CDH10: variants seen among roughly 807,000 people sequenced by gnomAD.
The protein encoded by CDH10 is cadherin 10.
CDH10 carries 30 observed loss-of-function variants against 73.1 expected under a neutral mutation model. The ratio of observed to expected loss-of-function variants is 0.41; its 90% confidence interval spans 0.31 to 0.56. The LOEUF (loss-of-function observed/expected upper bound fraction) is 0.56, where lower values mean the gene tolerates loss of function less well. Among genes scored for constraint, CDH10 ranks in the 20% least tolerant of loss-of-function variants. The pLI, the probability that CDH10 is intolerant of heterozygous loss-of-function variation, is 0.27. For synonymous variants in CDH10, 345 were observed against 348.2 expected (o/e 0.99, Z 0.10); for missense variants, 815 against 973.7 (o/e 0.84, Z 2.17).
rs143196281 is a variant in CDH10, at chr5:24,554,119, G to GAGAGAGAGA, written c.232-16446_232-16445insTCTCTCTCT. On this transcript the variant is annotated intron_variant, in intron 2 of 11. Coordinates refer to ENST00000264463, the MANE Select transcript of CDH10 (RefSeq NM_006727.5). Reference sequence around the variant, plus strand: ...AGAGAAGGGGAGGTGGGCGGGGGGGGGAGAGAGAGAGACATTCAATCAGCC... The same window carrying GAGAGAGAGA: ...AGAGAAGGGGAGGTGGGCGGGGGGGGAGAGAGAGAGAGAGAGAGAGACATTCAATCAGCC... 7.5e-5 allele frequency: 3 copies of GAGAGAGAGA among 39,776 alleles called. 1 individual carries two copies. The highest frequency in any genetic ancestry group is 1.6e-4 in the African/African-American group (2 of 12,224). The allele number at this position is 39,776 out of a possible 1,614,324, so 2.5% of individuals were successfully genotyped here.
chr5:24,503,870 T>A (rs1742588070), intron 8 of CDH10, among the ~76,000 whole-genome samples: 1 of 152,166 alleles, frequency 6.6e-6, no homozygotes, highest in Non-Finnish European at 1.5e-5. Context: ...ATTCCTGGGA[T>A]TCCTCATCTG....
chr5:24,623,571 G>A (rs1293857506), intron 1 of CDH10, among the ~76,000 whole-genome samples: 1 of 152,128 alleles, frequency 6.6e-6, no homozygotes, highest in Non-Finnish European at 1.5e-5. Flanking sequence ...TAGCAATAGA[G>A]AAATAAGAAC....
intron 4 of CDH10, 147 bp from the exon 5 acceptor site, chr5:24,535,426 T>C (rs1388392188): frequency 3.7e-6 from 3 of 813,308 alleles, no homozygotes; most frequent in East Asian, 5.4e-5. Context: ...ATTATAAAAG[T>C]GATTCTGCGG....
chr5:24,569,766 C>CTTTT (rs112375331), intron 2 of CDH10, among the ~76,000 whole-genome samples: 2 of 142,372 alleles, frequency 1.4e-5, no homozygotes, highest in Non-Finnish European at 3.1e-5. Context: ...CAAATGTGTG[C>CTTTT]TTTTTTTTTT....
At chr5:24,558,336 AT>A (rs1235230886) in intron 2 of CDH10, among the ~76,000 whole-genome samples, 1 of 151,734 alleles carries the variant, frequency 6.6e-6, no homozygotes, top group Non-Finnish European at 1.5e-5. Context: ...AGGATTCTGA[AT>A]TTTCCATGAC....
chr5:24,558,124 C>T (rs964564649), intron 2 of CDH10, among the ~76,000 whole-genome samples: 6 of 151,682 alleles, frequency 4.0e-5, no homozygotes, highest in African/African-American at 1.4e-4. Flanking sequence ...ACAAGGTTAA[C>T]CACAGATCAC....
At position 24,537,620 on chromosome 5, in the gene CDH10, C is replaced by T. The variant is rs2111896843; in HGVS notation, c.286G>A (p.Asp96Asn). ...DGSLKYILSG[D>N]GAGTLFIIDE... ...ATAATAAAAAGAGTACCAGCTCCAT[C>T]TCCAGATAAGATATATTTGAGTGAT... is the stretch of plus-strand genomic sequence containing the variant. Residue 96 changes from aspartate (D) to asparagine (N), a missense_variant, in exon 3 of 12, where the codon GAT becomes AAT. Asp to Asn is a conservative substitution (Grantham distance 23). This residue lies in a region of CDH10 where 516 missense variants were observed against 636.6 expected (regional missense o/e 0.81). Coordinates refer to ENST00000264463, the MANE Select transcript of CDH10 (RefSeq NM_006727.5). 5 of 1,605,660 alleles carry T rather than the reference C, an allele frequency of 3.1e-6. No individual in the cohort carries two copies. The highest frequency in any genetic ancestry group is 4.3e-6 in the Non-Finnish European group (5 of 1,172,800).
chr5:24,594,145 T>C (rs1262571391), intron 1 of CDH10, among the ~76,000 whole-genome samples: 1 of 151,668 alleles, frequency 6.6e-6, no homozygotes, highest in East Asian at 1.9e-4. Flanking sequence ...AAACTAGGAA[T>C]GCCTTCCTTT....
intron 2 of CDH10, among the ~76,000 whole-genome samples, chr5:24,569,399 T>A (rs1477203258): frequency 6.6e-6 from 1 of 152,112 alleles, no homozygotes; most frequent in African/African-American, 2.4e-5. Flanking sequence ...TTGTGTATAT[T>A]TTTTACAATA....
intron 2 of CDH10, among the ~76,000 whole-genome samples, chr5:24,583,240 C>T (rs1745868192): frequency 6.8e-6 from 1 of 147,824 alleles, no homozygotes. Context: ...TAACATCTCA[C>T]ATCTCATAAA....
At position 24,531,299 on chromosome 5, in the gene CDH10, G is replaced by A. The variant is rs1028055900; in HGVS notation, c.814+3813C>T. ...AACCAACCCCTTGCCAGTCACTGATGCTTTTACTTATGTATGATTTGTCTC... is the reference window on the plus strand; with the variant it reads ...AACCAACCCCTTGCCAGTCACTGATACTTTTACTTATGTATGATTTGTCTC... On this transcript the variant is annotated intron_variant, in intron 5 of 11. Coordinates refer to ENST00000264463, the MANE Select transcript of CDH10 (RefSeq NM_006727.5). Among the ~76,000 whole-genome samples, 48 of 152,022 alleles carry A rather than the reference G, an allele frequency of 3.2e-4. 1 individual carries two copies. The highest frequency in any genetic ancestry group is 2.9e-4 in the Non-Finnish European group (20 of 67,984).
chr5:24,607,025 T>A (rs185630801), intron 1 of CDH10, among the ~76,000 whole-genome samples: 236 of 152,292 alleles, frequency 1.5e-3, no homozygotes, highest in Non-Finnish European at 2.0e-3. Flanking sequence ...AAATATATAT[T>A]TTTTTAATCT....
chr5:24,515,469 C>T (rs1326265696), intron 5 of CDH10, among the ~76,000 whole-genome samples: 1 of 152,148 alleles, frequency 6.6e-6, no homozygotes, highest in East Asian at 1.9e-4. Context: ...AAAATTCAGG[C>T]TGTACCACAT....
rs1267665246 is a variant in CDH10 at position 24,563,595 on chromosome 5, T to TATAAAA, written c.232-25922_232-25921insTTTTAT. Reference sequence around the variant, plus strand: ...GGTGAAACCCCGTCTCTACTAAAAATACAAAAAAAAAAAAAAAAAAAATTA... The same window carrying TATAAAA: ...GGTGAAACCCCGTCTCTACTAAAAATATAAAAACAAAAAAAAAAAAAAAAAAAATTA... On this transcript the variant is annotated intron_variant, in intron 2 of 11. Transcript: ENST00000264463. Among the ~76,000 whole-genome samples the TATAAAA allele has an allele frequency of 7.9e-3, 98 of 12,344 alleles. 1 individual carries two copies. Among genetic ancestry groups the TATAAAA allele is most frequent in the Non-Finnish European group, 0.012 (62 of 5,214 alleles). 8.1% of individuals were successfully genotyped at this position (12,344 alleles called of 152,430 possible).
rs188021319 is a variant in CDH10, at chr5:24,567,201, A to G, written c.231+26059T>C. Among the ~76,000 whole-genome samples the G allele has an allele frequency of 2.8e-4, 43 of 152,182 alleles. 1 individual carries two copies. Among genetic ancestry groups the G allele is most frequent in the Admixed American group, 2.4e-3 (37 of 15,284 alleles). On this transcript the variant is annotated intron_variant, in intron 2 of 11. Transcript: ENST00000264463. ...TCATTGAAAGACTCTAACAACACCA[A>G]TATTATCTAGGACACTGACTAATAG...
Position 24,624,635 on chromosome 5 carries a change from G to C in CDH10, c.-124+19959C>G, listed in dbSNP as rs73743677. Among the ~76,000 whole-genome samples the C allele has an allele frequency of 7.2e-3, 1,089 of 152,192 alleles. 12 individuals are homozygous for C. Among genetic ancestry groups the C allele is most frequent in the African/African-American group, 0.024 (988 of 41,524 alleles). On this transcript the variant is annotated intron_variant, in intron 1 of 11. Coordinates refer to ENST00000264463, the MANE Select transcript of CDH10 (RefSeq NM_006727.5). ...TTGTAGTTTCATTTCTGAGATTCCA[G>C]GTTCAGAATGGAATTTAGAACCAAT...
intron 5 of CDH10, among the ~76,000 whole-genome samples, chr5:24,516,331 T>C (rs1743107359): frequency 6.6e-6 from 1 of 152,170 alleles, no homozygotes; most frequent in Admixed American, 6.5e-5. Context: ...ACCATTTTTT[T>C]CATAATTAAT....
Position 24,586,770 on chromosome 5 carries a change from C to G in CDH10, c.231+6490G>C, listed in dbSNP as rs559234694. ...TATGTTAACTCTTAATTAAAATTAC[C>G]AGGAGTCATGGAACACAGTTCAGTG... On this transcript the variant is annotated intron_variant, in intron 2 of 11. Transcript: ENST00000264463. 2.7e-5 allele frequency among the ~76,000 whole-genome samples: 4 copies of G among 150,046 alleles called. No homozygotes were observed. In the East Asian group the frequency reaches 7.9e-4, roughly 30 times the overall value.
intron 6 of CDH10, among the ~76,000 whole-genome samples, chr5:24,510,838 A>C (rs1742877611): frequency 6.6e-6 from 1 of 152,230 alleles, no homozygotes; most frequent in South Asian, 2.1e-4. Context: ...ATATGTTAGC[A>C]GAAGAGTTTA....
Sources: gnomAD v4.1 joint callset for allele counts (sites outside exome capture counted in the v4.1 genomes callset) on GRCh38, gnomAD v4.1.1 for gene constraint, gnomAD v4.1.1 regional missense constraint, MANE v1.5 for transcripts, NCBI Gene and HGNC (gene_info 2026-07-23, HGNC 2026-07-21) for gene names.